AMH: variants seen among roughly 807,000 people sequenced by gnomAD.
The protein encoded by AMH is anti-Muellerian hormone.
AMH carries 39 observed loss-of-function variants against 33.3 expected under a neutral mutation model. That is an observed-to-expected ratio of 1.17 (90% CI 0.91 to 1.53). The LOEUF is 1.53. Among genes scored for constraint, AMH ranks in the 40% most tolerant of loss-of-function variants. AMH has a pLI of 0.00. For missense variants in AMH, 1,019 were observed against 799.8 expected (o/e 1.27, Z -3.30); for synonymous variants, 536 against 403.0 (o/e 1.33, Z -3.95).
In AMH at chr19:2,249,600, G is replaced by A; in HGVS notation, c.268G>A (p.Ala90Thr). ...EQAFLGAVQR[A>T]RWGPRDLATF... ...GGCCTTCCTGGGGGCCGTGCAGAGGGCCCGCTGGGGCCCCCGAGACCTGGC... is the reference window on the plus strand; with the variant it reads ...GGCCTTCCTGGGGGCCGTGCAGAGGACCCGCTGGGGCCCCCGAGACCTGGC... The change falls in exon 1 of 5, where the codon GCC becomes ACC. Residue 90 changes from alanine to threonine, a missense_variant. Transcript: ENST00000221496. 2 of 1,547,698 alleles carry A rather than the reference G, an allele frequency of 1.3e-6. No individual in the cohort carries two copies. The highest frequency in any genetic ancestry group is 1.7e-6 in the Non-Finnish European group (2 of 1,148,550).
In AMH at chr19:2,249,433, C is replaced by T; in HGVS notation, c.101C>T (p.Thr34Ile). Residue 34 changes from threonine to isoleucine, a missense_variant, in exon 1 of 5, where the codon ACC becomes ATC. Coordinates refer to ENST00000221496, the MANE Select transcript of AMH (RefSeq NM_000479.5). ...AGAGCAGAGGAGCCAGCTGTGGGCACCAGTGGCCTCATCTTCCGAGAAGAC... is the reference window on the plus strand; with the variant it reads ...AGAGCAGAGGAGCCAGCTGTGGGCATCAGTGGCCTCATCTTCCGAGAAGAC... Reference protein sequence around the residue: ...ALRAEEPAVGTSGLIFREDLD... With the variant: ...ALRAEEPAVGISGLIFREDLD... 1.2e-6 allele frequency: 2 copies of T among 1,601,414 alleles called. No individual in the cohort carries two copies. Among genetic ancestry groups the T allele is most frequent in the South Asian group, 1.1e-5 (1 of 89,106 alleles).
chr19:2,251,823 G>A lies in AMH; in HGVS notation c.1549G>A (p.Gly517Arg), dbSNP rs749115062. The stretch of plus-strand genomic sequence containing the variant: ...GCTGCTGCTGAAGATGCAGGTCCGT[G>A]GGGCCGCCCTGGCGCGCCCACCCTG... ...VVLLLKMQVR[G>R]AALARPPCCV... Residue 517 changes from glycine to arginine, a missense_variant, in exon 5 of 5, where the codon GGG becomes AGG. Transcript: ENST00000221496. 1 of 1,603,260 alleles carries A rather than the reference G, an allele frequency of 6.2e-7. No individual in the cohort carries two copies. The highest frequency in any genetic ancestry group is 8.5e-7 in the Non-Finnish European group (1 of 1,178,358).
chr19:2,251,731 ACAATTGCC>A lies in AMH; in HGVS notation c.1458_1465del (p.Asn486LysfsTer?). The stretch of plus-strand genomic sequence containing the variant: ...CTCATCCCCGAGACCTACCAGGCCA[ACAATTGCC>A]AGGGCGTGTGCGGCTGGCCTCAGTC... On this transcript the variant is annotated frameshift_variant, in exon 5 of 5. Coordinates refer to ENST00000221496, the MANE Select transcript of AMH (RefSeq NM_000479.5). LOFTEE classifies it high-confidence loss of function. The A allele has an allele frequency of 1.2e-6, 2 of 1,611,830 alleles. No individual in the cohort carries two copies. The highest frequency in any genetic ancestry group is 2.7e-5 in the African/African-American group (2 of 75,012).
Position 2,250,394 on chromosome 19 carries a change from G to C in AMH, c.470G>C (p.Gly157Ala). The C allele has an allele frequency of 6.3e-7, 1 of 1,583,846 alleles. No individual in the cohort carries two copies. Among genetic ancestry groups the C allele is most frequent in the African/African-American group, 1.3e-5 (1 of 74,656 alleles). ...RFQEPPPGGA[G>A]PPELALLVLY... ...CAGGAGCCCCCGCCTGGAGGAGCTG[G>C]CCCCCCAGAGCTGGCGCTGCTGGTG... is the stretch of plus-strand genomic sequence containing the variant. The change falls in exon 2 of 5, where the codon GGC becomes GCC. Residue 157 changes from glycine (G) to alanine (A), a missense_variant. Coordinates refer to ENST00000221496, the MANE Select transcript of AMH (RefSeq NM_000479.5).
Position 2,251,636 on chromosome 19 carries a change from G to GGCC in AMH, c.1363_1365dup (p.Ala455dup). The GGCC allele has an allele frequency of 6.3e-7, 1 of 1,584,238 alleles. No homozygotes were observed. The highest frequency in any genetic ancestry group is 8.6e-7 in the Non-Finnish European group (1 of 1,168,720). On this transcript the variant is annotated inframe_insertion, in exon 5 of 5. Coordinates refer to ENST00000221496, the MANE Select transcript of AMH (RefSeq NM_000479.5). ...CGGGTCGGGCACAGCGCAGCGCGGG[G>GGCC]GCCACCGCCGCCGACGGGCCGTGCG...
chr19:2,250,109 C>A, intron 1 of AMH: 2 of 714,062 alleles, frequency 2.8e-6, no homozygotes, highest in Admixed American at 2.5e-5. Flanking sequence ...ATCGGGCACC[C>A]CAACCCAGAG....
At chr19:2,250,013 C>G (rs749466277) in intron 1 of AMH, 3 of 608,438 alleles carry the variant, frequency 4.9e-6, no homozygotes, top group Non-Finnish European at 8.6e-6. Flanking sequence ...ACGCAGGGCT[C>G]GGGGCCAGTG....
chr19:2,249,808 AG>A, intron 1 of AMH, 64 bp downstream of exon 1: 1 of 1,427,042 alleles, frequency 7.0e-7, no homozygotes, highest in South Asian at 1.5e-5. Context: ...GGGTCCTCCT[AG>A]GGAAGATCAG....
rs752285533 is a variant in AMH at position 2,251,869 on chromosome 19, C to A, written c.1595C>A (p.Ala532Glu). 6.3e-7 allele frequency: 1 copy of A among 1,587,848 alleles called. No homozygotes were observed. The highest frequency in any genetic ancestry group is 1.3e-5 in the African/African-American group (1 of 74,538). The change falls in exon 5 of 5, where the codon GCG (alanine) becomes GAG (glutamate). Residue 532 changes from alanine to glutamate, a missense_variant. By Grantham distance (107) the Ala-to-Glu change is moderately radical. Transcript: ENST00000221496. ...RPPCCVPTAY[A>E]GKLLISLSEE... ...CCCTGCTGCGTGCCCACCGCCTACGCGGGCAAGCTGCTCATCAGCCTGTCG... is the reference window on the plus strand; with the variant it reads ...CCCTGCTGCGTGCCCACCGCCTACGAGGGCAAGCTGCTCATCAGCCTGTCG...
chr19:2,251,182 T>TC lies in AMH; in HGVS notation c.914dup (p.Ala306GlyfsTer77), dbSNP rs1377795855. ...ACGCGCCTGGTGCGGGCGCTGCGGG[T>TC]CCCCCCGGCCCGGGCCTCCGCGCCG... On this transcript the variant is annotated frameshift_variant, in exon 5 of 5. Coordinates refer to ENST00000221496, the MANE Select transcript of AMH (RefSeq NM_000479.5). LOFTEE classifies it low-confidence loss of function (END_TRUNC). The TC allele has an allele frequency of 6.6e-7, 1 of 1,512,266 alleles. No homozygotes were observed. The highest frequency in any genetic ancestry group is 1.2e-5 in the South Asian group (1 of 81,534). 93.7% of individuals were successfully genotyped at this position (1,512,266 alleles called of 1,614,324 possible).
rs2024991953 is a variant in AMH at position 2,249,602 on chromosome 19, C to T, written c.270C>T (p.Ala90=). Residue 90 remains alanine (A), a synonymous_variant, in exon 1 of 5, where the codon GCC becomes GCT. Transcript: ENST00000221496. ...EQAFLGAVQR[A]RWGPRDLATF... The stretch of plus-strand genomic sequence containing the variant: ...CCTTCCTGGGGGCCGTGCAGAGGGC[C>T]CGCTGGGGCCCCCGAGACCTGGCCA... The T allele has an allele frequency of 3.9e-6, 6 of 1,548,388 alleles. No homozygotes were observed. Among genetic ancestry groups the T allele is most frequent in the Middle Eastern group, 1.7e-4 (1 of 5,860 alleles).
Position 2,249,392 on chromosome 19 carries a change from G to T in AMH, c.60G>T (p.Leu20=), listed in dbSNP as rs2024987221. 1.9e-6 allele frequency: 3 copies of T among 1,591,436 alleles called. No individual in the cohort carries two copies. The highest frequency in any genetic ancestry group is 2.6e-6 in the Non-Finnish European group (3 of 1,169,926). ...TGCTGTCTGCCCTGGGGGCTCTGCT[G>T]GGGACTGAGGCCCTCAGAGCAGAGG... is the stretch of plus-strand genomic sequence containing the variant. The part of the protein sequence containing the change: ...ALVLSALGAL[L]GTEALRAEEP... The change falls in exon 1 of 5, where the codon CTG becomes CTT. Residue 20 remains leucine (L), a synonymous_variant. Coordinates refer to ENST00000221496, the MANE Select transcript of AMH (RefSeq NM_000479.5).
intron 1 of AMH, 38 bp downstream of exon 1, chr19:2,249,782 T>C: frequency 6.8e-7 from 1 of 1,467,922 alleles, no homozygotes; most frequent in African/African-American, 1.4e-5. Flanking sequence ...CACCGCCGTC[T>C]TCCTTCAGGT....
In AMH at chr19:2,251,339, C is replaced by T. The variant is rs1317707153; in HGVS notation, c.1065C>T (p.Ala355=). The part of the protein sequence containing the change: ...PLLLLLRPTA[A]TTGDPAPLHD... ...TGCTGCTGCTGAGGCCCACTGCGGC[C>T]ACCACCGGGGATCCTGCGCCCCTGC... is the stretch of plus-strand genomic sequence containing the variant. The change falls in exon 5 of 5, where the codon GCC becomes GCT. Residue 355 remains alanine (A), a synonymous_variant. Coordinates refer to ENST00000221496, the MANE Select transcript of AMH (RefSeq NM_000479.5). 3 of 1,494,608 alleles carry T rather than the reference C, an allele frequency of 2.0e-6. No individual in the cohort carries two copies. The highest frequency in any genetic ancestry group is 2.7e-6 in the Non-Finnish European group (3 of 1,129,598). 92.6% of individuals were successfully genotyped at this position (1,494,608 alleles called of 1,614,324 possible). A position where few individuals can be genotyped will look rare whatever the true frequency, so the allele number is the denominator to read the frequency against.
At position 2,251,179 on chromosome 19, in the gene AMH, G is replaced by A. The variant is rs536688211; in HGVS notation, c.905G>A (p.Arg302Gln). Residue 302 changes from arginine (R) to glutamine (Q), a missense_variant, in exon 5 of 5, where the codon CGG becomes CAG. Arg to Gln is a conservative substitution (Grantham distance 43, BLOSUM62 1). Transcript: ENST00000221496. ...CTCACGCGCCTGGTGCGGGCGCTGC[G>A]GGTCCCCCCGGCCCGGGCCTCCGCG... ...ETLTRLVRAL[R>Q]VPPARASAPR... The A allele has an allele frequency of 3.3e-4, 500 of 1,512,948 alleles. 1 individual carries two copies. Among genetic ancestry groups the A allele is most frequent in the Non-Finnish European group, 4.3e-4 (487 of 1,137,304 alleles). 93.7% of individuals were successfully genotyped at this position (1,512,948 alleles called of 1,614,324 possible).
rs1185688871 is a variant in AMH, at chr19:2,250,374, G to A, written c.450G>A (p.Glu150=). 1.9e-6 allele frequency: 3 copies of A among 1,594,974 alleles called. No individual in the cohort carries two copies. The highest frequency in any genetic ancestry group is 2.6e-6 in the Non-Finnish European group (3 of 1,172,844). Residue 150 remains glutamate (E), a synonymous_variant, in exon 2 of 5, where the codon GAG becomes GAA. Transcript: ENST00000221496. ...CAACACCCTCGCTGAGGTTCCAGGA[G>A]CCCCCGCCTGGAGGAGCTGGCCCCC... ...WEPTPSLRFQ[E]PPPGGAGPPE... is the part of the protein sequence containing the mutation.
Position 2,250,895 on chromosome 19 carries a change from C to T in AMH, c.711C>T (p.Asp237=), listed in dbSNP as rs1342843290. Residue 237 remains aspartate (D), a synonymous_variant, in exon 4 of 5, where the codon GAC becomes GAT. Coordinates refer to ENST00000221496, the MANE Select transcript of AMH (RefSeq NM_000479.5). ...GGCTGCAGGCACTGCTGTTCGGCGA[C>T]GACCACCGCTGCTTCACACGGATGA... ...TARLQALLFG[D]DHRCFTRMTP... is the part of the protein sequence containing the mutation. 1.9e-6 allele frequency: 3 copies of T among 1,573,938 alleles called. No homozygotes were observed. The highest frequency in any genetic ancestry group is 2.6e-6 in the Non-Finnish European group (3 of 1,168,726).
chr19:2,250,780 G>C lies in AMH; in HGVS notation c.664+20G>C. Reference sequence around the variant, plus strand: ...GAGAGGGTAGGTCCGCGTGGAGAGGGACGGGGAGCCGGGTCGACTGCCCCC... The same window carrying C: ...GAGAGGGTAGGTCCGCGTGGAGAGGCACGGGGAGCCGGGTCGACTGCCCCC... On this transcript the variant is annotated intron_variant, in intron 3 of 4. Transcript: ENST00000221496. The C allele has an allele frequency of 6.5e-7, 1 of 1,535,178 alleles. No individual in the cohort carries two copies. The highest frequency in any genetic ancestry group is 8.7e-7 in the Non-Finnish European group (1 of 1,147,026).
rs1252822958 is a variant in AMH, at chr19:2,249,617, A to C, written c.285A>C (p.Arg95=). 6.5e-7 allele frequency: 1 copy of C among 1,541,112 alleles called. No homozygotes were observed. The highest frequency in any genetic ancestry group is 8.7e-7 in the Non-Finnish European group (1 of 1,145,588). The change falls in exon 1 of 5, where the codon CGA becomes CGC. Residue 95 remains arginine, a synonymous_variant. Transcript: ENST00000221496. ...GAVQRARWGP[R]DLATFGVCNT... ...TGCAGAGGGCCCGCTGGGGCCCCCG[A>C]GACCTGGCCACCTTCGGGGTCTGCA...
Sources: allele counts gnomAD v4.1 joint callset, GRCh38; gene constraint gnomAD v4.1.1; transcripts MANE v1.5; gene names NCBI Gene and HGNC (gene_info 2026-07-23, HGNC 2026-07-21).